NIBAN2: variants seen among roughly 807,000 people sequenced by gnomAD.
NIBAN2 encodes the protein niban apoptosis regulator 2, also known as protein Niban 2.
NIBAN2 carries 36 observed loss-of-function variants against 81.8 expected under a neutral mutation model. That is an observed-to-expected ratio of 0.44 (90% confidence interval 0.34 to 0.58). The LOEUF (loss-of-function observed/expected upper bound fraction) is 0.58, where lower values mean the gene tolerates loss of function less well. NIBAN2 is among the 20% of genes least tolerant of loss of function. The pLI is 0.02. For missense variants in NIBAN2, 897 were observed against 1,014.1 expected (o/e 0.88, Z 1.57); for synonymous variants, 445 against 441.6 (o/e 1.01, Z -0.10).
chr9:127,541,035 G>A (rs186552151), intron 1 of NIBAN2, among the ~76,000 whole-genome samples: 4 of 152,292 alleles, frequency 2.6e-5, no homozygotes, highest in Admixed American at 6.5e-5. Context: ...GGAAAGAGGG[G>A]GGTGCCGACC....
intron 5 of NIBAN2, among the ~76,000 whole-genome samples, chr9:127,522,481 C>T (rs1274391825): frequency 2.0e-5 from 3 of 152,082 alleles, no homozygotes; most frequent in African/African-American, 4.8e-5. Flanking sequence ...GCAGAAAGAC[C>T]CCCAGGGACC....
chr9:127,544,182 T>C (rs1837430446), intron 1 of NIBAN2, among the ~76,000 whole-genome samples: 1 of 152,220 alleles, frequency 6.6e-6, no homozygotes, highest in Non-Finnish European at 1.5e-5. Flanking sequence ...AATGGTATCT[T>C]GTTCACTTCC....
At chr9:127,547,562 G>A (rs914024412) in intron 1 of NIBAN2, among the ~76,000 whole-genome samples, 4 of 150,942 alleles carry the variant, frequency 2.7e-5, no homozygotes, top group Non-Finnish European at 5.9e-5. Context: ...GCACCACCGG[G>A]CACGGTGGCT....
At chr9:127,561,505 A>G (rs1451916206) in intron 1 of NIBAN2, among the ~76,000 whole-genome samples, 2 of 152,322 alleles carry the variant, frequency 1.3e-5, no homozygotes, top group South Asian at 2.1e-4. Context: ...TCCTCATGTA[A>G]GGAGGGCTCT....
upstream of NIBAN2, among the ~76,000 whole-genome samples, chr9:127,573,141 G>A (rs114299464): frequency 8.0e-3 from 1,214 of 152,266 alleles, 17 homozygotes; most frequent in African/African-American, 0.027. Flanking sequence ...CAGAGAAGGC[G>A]TGACAGGTAA....
intron 1 of NIBAN2, among the ~76,000 whole-genome samples, chr9:127,578,431 G>A (rs1838034860): frequency 6.6e-6 from 1 of 151,248 alleles, no homozygotes; most frequent in Non-Finnish European, 1.5e-5. Context: ...GGAGACCGAG[G>A]CAGGTGGATC....
At chr9:127,512,435 C>T (rs187382416) in intron 8 of NIBAN2, among the ~76,000 whole-genome samples, 59 of 152,162 alleles carry the variant, frequency 3.9e-4, no homozygotes, top group Admixed American at 9.8e-4. Flanking sequence ...TACAGGCATG[C>T]GCCACCACAT....
intron 1 of NIBAN2, among the ~76,000 whole-genome samples, chr9:127,577,941 A>C (rs903750512): frequency 1.3e-5 from 2 of 152,072 alleles, no homozygotes; most frequent in African/African-American, 4.8e-5. Context: ...TTGTAATCTC[A>C]GCACTTTGGG....
chr9:127,552,111 C>T (rs1158749607), intron 1 of NIBAN2, among the ~76,000 whole-genome samples: 1 of 152,190 alleles, frequency 6.6e-6, no homozygotes, highest in Non-Finnish European at 1.5e-5. Flanking sequence ...CTGTCTTCCC[C>T]AGACAGGGGT....
At position 127,508,524 on chromosome 9, in the gene NIBAN2, G is replaced by A. The variant is rs768875265; in HGVS notation, c.1332C>T (p.Ala444=). 10 of 1,613,554 alleles carry A rather than the reference G, an allele frequency of 6.2e-6. No homozygotes were observed. Among genetic ancestry groups the A allele is most frequent in the African/African-American group, 2.7e-5 (2 of 74,900 alleles). The change falls in exon 11 of 14, where the codon GCC becomes GCT. Residue 444 remains alanine (A), a synonymous_variant. Coordinates refer to ENST00000373312, the MANE Select transcript of NIBAN2 (RefSeq NM_022833.4). This position sits in a 1 kb window ranked among gnomAD's most constrained non-coding sequence, Gnocchi z 6.4. ...QIHMREQMDN[A]VYTFETLLHQ... Reference sequence around the variant, plus strand: ...GCAGGAGGGTCTCGAACGTATACACGGCATTGTCCATTTGCTGCAGGGCAT... The same window carrying A: ...GCAGGAGGGTCTCGAACGTATACACAGCATTGTCCATTTGCTGCAGGGCAT...
chr9:127,523,568 G>T, intron 5 of NIBAN2, 111 bp downstream of exon 5: 1 of 1,045,644 alleles, frequency 9.6e-7, no homozygotes, highest in Non-Finnish European at 1.4e-6. Context: ...AATTAGAACA[G>T]CCTGTAGAGC....
chr9:127,507,497 C>G lies in NIBAN2; in HGVS notation c.1655-66G>C. The G allele has an allele frequency of 7.4e-7, 1 of 1,356,630 alleles. No individual in the cohort carries two copies. 84.0% of individuals were successfully genotyped at this position (1,356,630 alleles called of 1,614,324 possible). ...CCCACAGCCGCCCCTGTGCTGGACT[C>G]TGCTCAAAGAAGACCCGTCTCATCC... On this transcript the variant is annotated intron_variant, in intron 13 of 13. Transcript: ENST00000373312. This position sits in a 1 kb window ranked among gnomAD's most constrained non-coding sequence, Gnocchi z 6.8.
intron 5 of NIBAN2, among the ~76,000 whole-genome samples, chr9:127,521,230 G>A (rs1306183141): frequency 1.3e-5 from 2 of 152,222 alleles, no homozygotes; most frequent in Admixed American, 6.5e-5. Flanking sequence ...AAAGAACTGA[G>A]GCTCAGAGAG....
intron 5 of NIBAN2, among the ~76,000 whole-genome samples, chr9:127,519,089 C>T (rs547988153): frequency 1.2e-4 from 17 of 147,424 alleles, no homozygotes; most frequent in Admixed American, 5.5e-4. Flanking sequence ...GCAGGAGAAT[C>T]GCTTGAACCC....
chr9:127,520,351 G>A (rs989448429), intron 5 of NIBAN2, among the ~76,000 whole-genome samples: 3 of 147,074 alleles, frequency 2.0e-5, no homozygotes, highest in Non-Finnish European at 4.5e-5. Context: ...CCATTCTCCC[G>A]CTTCAGCTCC....
In NIBAN2 at chr9:127,545,069, C is replaced by T. The variant is rs973850149; in HGVS notation, c.56-13291G>A. ...AGGTGAATGGGGCTTTCACACCCAGCGAACCCAAGCGAACCGCAACCTCAG... is the reference window on the plus strand; with the variant it reads ...AGGTGAATGGGGCTTTCACACCCAGTGAACCCAAGCGAACCGCAACCTCAG... On this transcript the variant is annotated intron_variant, in intron 1 of 13. Coordinates refer to ENST00000373312, the MANE Select transcript of NIBAN2 (RefSeq NM_022833.4). This position sits in a 1 kb window ranked among gnomAD's most constrained non-coding sequence, Gnocchi z 4.7. 9.9e-5 allele frequency among the ~76,000 whole-genome samples: 15 copies of T among 152,182 alleles called. No individual in the cohort carries two copies. The highest frequency in any genetic ancestry group is 3.4e-4 in the African/African-American group (14 of 41,444).
chr9:127,555,425 CGCT>C (rs1317603316), intron 1 of NIBAN2, among the ~76,000 whole-genome samples: 1 of 152,246 alleles, frequency 6.6e-6, no homozygotes. Flanking sequence ...ACCCAGCTCT[CGCT>C]GCAGTTCCAC....
intron 1 of NIBAN2, among the ~76,000 whole-genome samples, chr9:127,577,822 C>T (rs1445626205): frequency 6.6e-6 from 1 of 152,092 alleles, no homozygotes; most frequent in African/African-American, 2.4e-5. Flanking sequence ...CTCAAACAAT[C>T]CTCCCGACCC....
chr9:127,515,448 G>A (rs1486123927), intron 8 of NIBAN2, among the ~76,000 whole-genome samples: 1 of 150,970 alleles, frequency 6.6e-6, no homozygotes, highest in Non-Finnish European at 1.5e-5. Flanking sequence ...GTGAACCCGG[G>A]AGGTGGAGCT....
Sources: gnomAD v4.1 joint callset for allele counts (sites outside exome capture counted in the v4.1 genomes callset) on GRCh38, gnomAD v4.1.1 for gene constraint, Gnocchi (gnomAD v3.1) non-coding constraint, MANE v1.5 for transcripts, NCBI Gene and HGNC (gene_info 2026-07-23, HGNC 2026-07-21) for gene names.